Variants in ALOX5 observed in about 807,000 individuals in gnomAD.
The protein encoded by ALOX5 is arachidonate 5-lipoxygenase.
A neutral mutation model predicts 87.9 loss-of-function variants in ALOX5; 64 were observed. That is an observed-to-expected ratio of 0.73 (90% CI 0.60 to 0.90). ALOX5 has a LOEUF of 0.90. Among genes scored for constraint, ALOX5 ranks in the 40% least tolerant of loss-of-function variants. The pLI is 0.00. For synonymous variants in ALOX5, 388 were observed against 355.1 expected (o/e 1.09, Z -1.04); for missense variants, 822 against 907.5 (o/e 0.91, Z 1.21).
intron 4 of ALOX5, among the ~76,000 whole-genome samples, chr10:45,414,386 T>C (rs1004631280): frequency 6.6e-6 from 1 of 152,226 alleles, no homozygotes; most frequent in Admixed American, 6.5e-5. Context: ...GCTAGCCATA[T>C]GTAGAAAGCT....
At chr10:45,417,076 G>C (rs1841321923) in intron 4 of ALOX5, among the ~76,000 whole-genome samples, 1 of 152,118 alleles carries the variant, frequency 6.6e-6, no homozygotes, top group African/African-American at 2.4e-5. Context: ...AGCTGTCACA[G>C]AATAGGTGCT....
At chr10:45,375,589 T>C (rs1839575225) in intron 1 of ALOX5, among the ~76,000 whole-genome samples, 1 of 152,278 alleles carries the variant, frequency 6.6e-6, no homozygotes, top group African/African-American at 2.4e-5. Context: ...GGCAAGTTCA[T>C]GTTTCAACTG....
chr10:45,384,931 C>T (rs960407262), intron 2 of ALOX5, among the ~76,000 whole-genome samples: 1 of 152,110 alleles, frequency 6.6e-6, no homozygotes, highest in Non-Finnish European at 1.5e-5. Context: ...CAACCTCTGC[C>T]TCCCAGGTTC....
chr10:45,374,501 C>T (rs1839511784), intron 1 of ALOX5, 72 bp downstream of exon 1: 2 of 1,333,188 alleles, frequency 1.5e-6, no homozygotes, highest in Non-Finnish European at 1.9e-6. Flanking sequence ...CGGCAGAGGC[C>T]TGGGCGGGGG....
chr10:45,412,290 C>T lies in ALOX5; in HGVS notation c.531C>T (p.Asp177=), dbSNP rs151005540. 17 of 1,614,034 alleles carry T rather than the reference C, an allele frequency of 1.1e-5. No individual in the cohort carries two copies. Among genetic ancestry groups the T allele is most frequent in the Middle Eastern group, 1.6e-4 (1 of 6,084 alleles). ...DIQFDSEKGV[D]FVLNYSKAME... ...AGTTTGATAGTGAAAAAGGAGTGGA[C>T]TTTGTTCTGAATTACTCCAAAGCGT... The change falls in exon 4 of 14, where the codon GAC becomes GAT. Residue 177 remains aspartate (D), a synonymous_variant. Transcript: ENST00000374391.
chr10:45,394,486 T>TAAAACCATC (rs1554791063), intron 2 of ALOX5, among the ~76,000 whole-genome samples: 1 of 152,172 alleles, frequency 6.6e-6, no homozygotes, highest in Non-Finnish European at 1.5e-5. Flanking sequence ...ATGTTAGACC[T>TAAAACCATC]AAAACCATCA....
At chr10:45,385,682 T>G (rs914560505) in intron 2 of ALOX5, among the ~76,000 whole-genome samples, 2 of 152,188 alleles carry the variant, frequency 1.3e-5, no homozygotes, top group Non-Finnish European at 2.9e-5. Context: ...CCATAGCCAA[T>G]GATAACAGTT....
chr10:45,405,942 C>G (rs190714671), intron 3 of ALOX5, among the ~76,000 whole-genome samples: 8 of 152,102 alleles, frequency 5.3e-5, no homozygotes, highest in Non-Finnish European at 7.4e-5. Flanking sequence ...GTGGAACTCT[C>G]CCGGTAGCAT....
rs757434861 is a variant in ALOX5 at position 45,424,994 on chromosome 10, G to T, written c.696G>T (p.Met232Ile). The T allele has an allele frequency of 2.5e-6, 4 of 1,614,236 alleles. No individual in the cohort carries two copies. The South Asian group carries it at 4.4e-5, about 18-fold the overall frequency. Reference protein sequence around the residue: ...RVMNHWQEDLMFGYQFLNGCN... With the variant: ...RVMNHWQEDLIFGYQFLNGCN... ...TGAATCACTGGCAGGAAGACCTGAT[G>T]TTTGGCTACCAGTTCCTGAATGGCT... is the stretch of plus-strand genomic sequence containing the variant. Residue 232 changes from methionine to isoleucine, a missense_variant, in exon 6 of 14, where the codon ATG becomes ATT. Physicochemically the swap from Met to Ile is conservative, Grantham distance 10 (BLOSUM62 1). Coordinates refer to ENST00000374391, the MANE Select transcript of ALOX5 (RefSeq NM_000698.5).
intron 3 of ALOX5, among the ~76,000 whole-genome samples, chr10:45,409,493 ATC>A (rs937244051): frequency 1.5e-5 from 2 of 136,018 alleles, no homozygotes; most frequent in South Asian, 2.3e-4. Flanking sequence ...TCCCCTTAGG[ATC>A]TCTCTGTCTG....
intron 7 of ALOX5, among the ~76,000 whole-genome samples, chr10:45,432,360 TAA>T (rs35877893): frequency 2.6e-4 from 34 of 132,938 alleles, no homozygotes; most frequent in Non-Finnish European, 2.8e-4. Context: ...ACCCTATCTT[TAA>T]AAAAAAAAAA....
In ALOX5 at chr10:45,443,093, A is replaced by C; in HGVS notation, c.1328A>C (p.Asp443Ala). 6.2e-7 allele frequency: 1 copy of C among 1,613,684 alleles called. No individual in the cohort carries two copies. The highest frequency in any genetic ancestry group is 8.5e-7 in the Non-Finnish European group (1 of 1,179,984). ...CAGATGGTGCAGAGGGCCATGAAGGACCTGACCTATGCCTCCCTGTGCTTT... is the reference window on the plus strand; with the variant it reads ...CAGATGGTGCAGAGGGCCATGAAGGCCCTGACCTATGCCTCCCTGTGCTTT... ...HVQMVQRAMKDLTYASLCFPE... is the reference protein window; with the variant it reads ...HVQMVQRAMKALTYASLCFPE... Residue 443 changes from aspartate (D) to alanine (A), a missense_variant, in exon 10 of 14, where the codon GAC (aspartate) becomes GCC (alanine). Asp to Ala is a moderately radical substitution (Grantham distance 126). Coordinates refer to ENST00000374391, the MANE Select transcript of ALOX5 (RefSeq NM_000698.5).
intron 1 of ALOX5, among the ~76,000 whole-genome samples, chr10:45,374,709 T>C (rs1839527723): frequency 6.6e-6 from 1 of 152,140 alleles, no homozygotes; most frequent in South Asian, 2.1e-4. Context: ...CTGCAAGGCG[T>C]CTTCCCTGGG....
intron 2 of ALOX5, among the ~76,000 whole-genome samples, chr10:45,392,309 G>T (rs1295105089): frequency 6.6e-6 from 1 of 152,154 alleles, no homozygotes; most frequent in East Asian, 1.9e-4. Context: ...GATGGTTGCT[G>T]TGTCTGTGTA....
intron 1 of ALOX5, among the ~76,000 whole-genome samples, chr10:45,378,543 A>G (rs1194730616): frequency 6.6e-6 from 1 of 152,200 alleles, no homozygotes; most frequent in Non-Finnish European, 1.5e-5. Context: ...CAGCAAATAG[A>G]CAAATATAGC....
chr10:45,440,828 C>T (rs981013710), intron 8 of ALOX5, among the ~76,000 whole-genome samples, 195 bp downstream of exon 8: 6 of 152,192 alleles, frequency 3.9e-5, no homozygotes, highest in Admixed American at 3.9e-4. Flanking sequence ...CCAGGACACG[C>T]GGCTGGGGCA....
chr10:45,392,104 C>A (rs1406956214), intron 2 of ALOX5, among the ~76,000 whole-genome samples: 2 of 151,836 alleles, frequency 1.3e-5, no homozygotes, highest in South Asian at 4.2e-4. Flanking sequence ...GCCCCCCGCC[C>A]GGCCAGCTGC....
chr10:45,382,364 T>G, intron 1 of ALOX5, 119 bp from the exon 2 acceptor site: 1 of 1,042,950 alleles, frequency 9.6e-7, no homozygotes, highest in Non-Finnish European at 1.4e-6. Flanking sequence ...TTTAAGTGCT[T>G]TTCATTCAAC....
intron 3 of ALOX5, among the ~76,000 whole-genome samples, chr10:45,399,894 A>G (rs1408555067): frequency 1.3e-5 from 2 of 152,206 alleles, no homozygotes; most frequent in African/African-American, 2.4e-5. Context: ...ACGTGAAAAT[A>G]TGCTCAACAT....
Sources: gnomAD v4.1 joint callset for allele counts (sites outside exome capture counted in the v4.1 genomes callset) on GRCh38, gnomAD v4.1.1 for gene constraint, MANE v1.5 for transcripts, NCBI Gene and HGNC (gene_info 2026-07-23, HGNC 2026-07-21) for gene names.